PCDH7: variants seen among roughly 807,000 people sequenced by gnomAD.
PCDH7 encodes protocadherin-7.
Under a neutral mutation model 58.9 loss-of-function variants are expected in PCDH7, and 17 were observed. The ratio of observed to expected loss-of-function variants is 0.29; its 90% CI spans 0.20 to 0.43. The LOEUF (loss-of-function observed/expected upper bound fraction) is 0.43. PCDH7 is among the 20% of genes least tolerant of loss of function. PCDH7 has a pLI of 1.00. For synonymous variants in PCDH7, 664 were observed against 616.4 expected, an observed-to-expected ratio of 1.08 and a Z score of -1.14; for missense variants, 1,274 against 1,441.0, an observed-to-expected ratio of 0.88 and a Z score of 1.88.
intron 1 of PCDH7, chr4:30,783,044 G>T (rs1722989169): frequency 6.6e-6 from 1 of 152,006 alleles, no homozygotes; most frequent in Non-Finnish European, 1.5e-5. Context: ...GTCATTTATG[G>T]TTTTTGATAT....
At chr4:30,747,796 AT>A (rs1717967116) in intron 1 of PCDH7, among the ~76,000 whole-genome samples, 1 of 152,180 alleles carries the variant, frequency 6.6e-6, no homozygotes, top group Non-Finnish European at 1.5e-5. Context: ...TTAGGGATCG[AT>A]TGTTTTGCAT....
chr4:31,029,222 C>T (rs970551751), intron 3 of PCDH7, among the ~76,000 whole-genome samples: 1 of 152,090 alleles, frequency 6.6e-6, no homozygotes, highest in Non-Finnish European at 1.5e-5. Flanking sequence ...GCAACTGTAA[C>T]CAAATTAAAG....
At chr4:31,106,472 C>T (rs1270004912) in intron 3 of PCDH7, among the ~76,000 whole-genome samples, 2 of 152,114 alleles carry the variant, frequency 1.3e-5, no homozygotes, top group Non-Finnish European at 2.9e-5. Context: ...TTTCTGAGTG[C>T]GATGAAGTGA....
intron 3 of PCDH7, among the ~76,000 whole-genome samples, chr4:30,968,372 C>T (rs148253836): frequency 0.24 from 19,827 of 81,394 alleles, 3,748 homozygotes; most frequent in African/African-American, 0.36. Context: ...TATATATACA[C>T]ACACTATATA....
chr4:31,056,176 C>T (rs1447283037), intron 3 of PCDH7, among the ~76,000 whole-genome samples: 1 of 151,838 alleles, frequency 6.6e-6, no homozygotes, highest in Non-Finnish European at 1.5e-5. Flanking sequence ...CTAGACCAGC[C>T]TGGGCAATGT....
intron 3 of PCDH7, among the ~76,000 whole-genome samples, chr4:31,056,468 A>G (rs867388204): frequency 0.013 from 1,679 of 127,674 alleles, 55 homozygotes; most frequent in Admixed American, 0.023. Context: ...GAAGAAAGAA[A>G]GAAAGAAAGA....
At chr4:30,863,760 C>T (rs1734511349) in intron 1 of PCDH7, among the ~76,000 whole-genome samples, 1 of 152,010 alleles carries the variant, frequency 6.6e-6, no homozygotes, top group Admixed American at 6.6e-5. Flanking sequence ...AAAATTTCAT[C>T]CACACAAAAA....
chr4:30,927,583 G>T (rs985955036), intron 2 of PCDH7, among the ~76,000 whole-genome samples: 6 of 152,022 alleles, frequency 3.9e-5, no homozygotes, highest in Non-Finnish European at 8.8e-5. Flanking sequence ...TCTGAAACAT[G>T]TGCTGTGCCC....
intron 1 of PCDH7, among the ~76,000 whole-genome samples, chr4:30,835,739 G>A (rs1730413388): frequency 6.6e-6 from 1 of 151,920 alleles, no homozygotes; most frequent in Admixed American, 6.6e-5. Context: ...TGTAAAGTGG[G>A]GCTAATAATA....
chr4:30,928,266 A>G (rs1004026387), intron 2 of PCDH7, among the ~76,000 whole-genome samples: 3 of 152,220 alleles, frequency 2.0e-5, no homozygotes, highest in Non-Finnish European at 4.4e-5. Flanking sequence ...ACCTATTGAG[A>G]AACCATTTTA....
In PCDH7 at chr4:31,025,659, A is replaced by G. The variant is rs56344969; in HGVS notation, c.*7+75444A>G. ...AATCTAAAACCTATCTTTTCACACT[A>G]TAATATTCATCCACAATCATGCATT... On this transcript the variant is annotated intron_variant, in intron 3 of 3. Coordinates refer to the PCDH7 transcript ENST00000509759. Among the ~76,000 whole-genome samples the G allele has an allele frequency of 3.2e-3, 489 of 152,336 alleles. 2 individuals are homozygous for G. The highest frequency in any genetic ancestry group is 0.011 in the African/African-American group (472 of 41,580).
At chr4:30,867,316 G>A (rs1482707858) in intron 1 of PCDH7, among the ~76,000 whole-genome samples, 1 of 151,964 alleles carries the variant, frequency 6.6e-6, no homozygotes. Context: ...TTTCCCACAG[G>A]CCCCCTCACA....
intron 3 of PCDH7, among the ~76,000 whole-genome samples, chr4:31,024,245 C>T (rs1051326467): frequency 3.9e-5 from 6 of 152,042 alleles, no homozygotes; most frequent in East Asian, 3.9e-4. Context: ...TCCTTTAATA[C>T]GTGAAAAAAC....
chr4:31,099,696 A>T (rs1321223214), intron 3 of PCDH7, among the ~76,000 whole-genome samples: 2 of 152,166 alleles, frequency 1.3e-5, no homozygotes, highest in Non-Finnish European at 2.9e-5. Flanking sequence ...CTGAGAACCT[A>T]AGGAACTTTT....
intron 1 of PCDH7, among the ~76,000 whole-genome samples, chr4:30,835,226 G>A (rs1034480114): frequency 3.9e-5 from 6 of 152,020 alleles, no homozygotes; most frequent in East Asian, 3.9e-4. Flanking sequence ...CCCAACCCCC[G>A]GGCCACGAAC....
At chr4:30,794,838 A>G (rs991855243) in intron 1 of PCDH7, among the ~76,000 whole-genome samples, 1 of 152,154 alleles carries the variant, frequency 6.6e-6, no homozygotes, top group Non-Finnish European at 1.5e-5. Context: ...GACAAACACA[A>G]AGATGTGTTA....
chr4:31,006,200 CA>C (rs1306975177), intron 3 of PCDH7, among the ~76,000 whole-genome samples: 1 of 152,156 alleles, frequency 6.6e-6, no homozygotes, highest in African/African-American at 2.4e-5. Flanking sequence ...TTAAAATCAA[CA>C]TGATAGTAGG....
At chr4:31,085,850 TCTC>T (rs1185070934) in intron 3 of PCDH7, among the ~76,000 whole-genome samples, 2 of 140,566 alleles carry the variant, frequency 1.4e-5, no homozygotes, top group Non-Finnish European at 3.0e-5. Context: ...TCTCTCTCTC[TCTC>T]TTTTTTTTTT....
chr4:31,062,517 A>T (rs1757767356), intron 3 of PCDH7, among the ~76,000 whole-genome samples: 1 of 151,802 alleles, frequency 6.6e-6, no homozygotes, highest in South Asian at 2.1e-4. Context: ...AATCAGAAGG[A>T]TACGAGAGCC....
Sources: allele counts gnomAD v4.1 joint callset (sites outside exome capture counted in the v4.1 genomes callset), GRCh38; gene constraint gnomAD v4.1.1; transcripts MANE v1.5; gene names NCBI Gene and HGNC (gene_info 2026-07-23, HGNC 2026-07-21).